The following STX2 variants were observed in gnomAD, a reference collection of about 807,000 sequenced individuals.
STX2 encodes syntaxin-2.
Under a neutral mutation model 40.6 loss-of-function variants are expected in STX2, and 27 were observed. That is an observed-to-expected ratio of 0.66 (90% CI 0.49 to 0.92). The LOEUF (loss-of-function observed/expected upper bound fraction) is 0.92. STX2 is among the 40% of genes least tolerant of loss of function. The probability of loss-of-function intolerance (pLI) is 0.00; values close to 1 mark genes in which losing one functional copy is unlikely to be tolerated. For missense variants in STX2, 328 were observed against 366.1 expected, an observed-to-expected ratio of 0.90 and a Z score of 0.85; for synonymous variants, 123 against 119.1, an observed-to-expected ratio of 1.03 and a Z score of -0.22.
chr12:130,816,060 G>A (rs1376123579), intron 3 of STX2, among the ~76,000 whole-genome samples: 4 of 152,150 alleles, frequency 2.6e-5, no homozygotes, highest in Non-Finnish European at 2.9e-5. Context: ...CCTGTGGTGC[G>A]TGAGGCTGAT....
intron 6 of STX2, 88 bp downstream of exon 6, chr12:130,806,894 T>C: frequency 8.0e-7 from 1 of 1,243,266 alleles, no homozygotes; most frequent in Non-Finnish European, 1.2e-6. Flanking sequence ...TAGACATGGA[T>C]TTCCTTTTCT....
rs767436275 is a variant in STX2 at position 130,821,697 on chromosome 12, G to C, written c.197C>G (p.Pro66Arg). 1 of 1,613,450 alleles carries C rather than the reference G, an allele frequency of 6.2e-7. No individual in the cohort carries two copies. Among genetic ancestry groups the C allele is most frequent in the South Asian group, 1.1e-5 (1 of 91,054 alleles). ...NHSIILSAPN[P>R]EGKIKEELED... ...GAAAACCAACAACTTACTTCCTTCC[G>C]GGTTTGGTGCAGAAAGAATGATGCT... Residue 66 changes from proline to arginine, a missense_variant, in exon 3 of 11, where the codon CCG (proline) becomes CGG (arginine). Coordinates refer to ENST00000392373, the MANE Select transcript of STX2 (RefSeq NM_194356.4).
intron 3 of STX2, among the ~76,000 whole-genome samples, chr12:130,821,280 A>G (rs1000797803): frequency 6.6e-6 from 1 of 152,236 alleles, no homozygotes; most frequent in East Asian, 1.9e-4. Context: ...CAAGACTTTC[A>G]GAGTCGCCTC....
At position 130,834,356 on chromosome 12, in the gene STX2, CAAAAAAAAAAAAA is replaced by C. The variant is rs11355842; in HGVS notation, c.30+4701_30+4713del. 1.9e-4 allele frequency among the ~76,000 whole-genome samples: 18 copies of C among 92,788 alleles called. No individual in the cohort carries two copies. The East Asian group carries it at 5.6e-3, about 29-fold the overall frequency. The allele number at this position is 92,788 out of a possible 152,430, so 60.9% of individuals were successfully genotyped here. A position where few individuals can be genotyped will look rare whatever the true frequency, so the allele number is the denominator to read the frequency against. ...TGGGCAAGAAAGCGACACTCTGTCTCAAAAAAAAAAAAAAAAAAAAAGGTACAAGGCAAGAGAG... is the reference window on the plus strand; with the variant it reads ...TGGGCAAGAAAGCGACACTCTGTCTCAAAAAAAAGGTACAAGGCAAGAGAG... On this transcript the variant is annotated intron_variant, in intron 1 of 10. Transcript: ENST00000392373.
intron 6 of STX2, among the ~76,000 whole-genome samples, chr12:130,804,576 C>T (rs1165121860): frequency 6.6e-6 from 1 of 151,762 alleles, no homozygotes; most frequent in East Asian, 1.9e-4. Context: ...GGGCAGGCGG[C>T]TGTGGGGTCC....
At chr12:130,831,022 T>C (rs1056804759) in intron 1 of STX2, among the ~76,000 whole-genome samples, 2 of 152,250 alleles carry the variant, frequency 1.3e-5, no homozygotes, top group Non-Finnish European at 2.9e-5. Context: ...CAACTCTCCC[T>C]GTGTGAATAC....
chr12:130,802,802 C>T (rs1355512098), intron 6 of STX2, among the ~76,000 whole-genome samples: 1 of 152,168 alleles, frequency 6.6e-6, no homozygotes, highest in African/African-American at 2.4e-5. Flanking sequence ...CACACCCTGC[C>T]CACCCCATGG....
chr12:130,813,954 A>G (rs745348463), intron 3 of STX2, among the ~76,000 whole-genome samples: 23 of 152,212 alleles, frequency 1.5e-4, no homozygotes, highest in Admixed American at 6.5e-4. Context: ...TTTCTGCCGT[A>G]GACAACTTGG....
chr12:130,794,091 G>A (rs894959189), intron 10 of STX2, among the ~76,000 whole-genome samples: 1 of 152,126 alleles, frequency 6.6e-6, no homozygotes, highest in African/African-American at 2.4e-5. Context: ...CACTGTGTCC[G>A]CGCTACAAAT....
chr12:130,795,972 A>G lies in STX2; in HGVS notation c.*45+23T>C. The G allele has an allele frequency of 6.3e-6, 10 of 1,588,922 alleles. No homozygotes were observed. The South Asian group carries it at 1.0e-4, about 17-fold the overall frequency. Reference sequence around the variant, plus strand: ...TGGTTAATTGCAAAAGTTAATAAGTAAATTAGTTGATGAGTTACTTACTCC... The same window carrying G: ...TGGTTAATTGCAAAAGTTAATAAGTGAATTAGTTGATGAGTTACTTACTCC... On this transcript the variant is annotated intron_variant, in intron 10 of 10. Coordinates refer to ENST00000392373, the MANE Select transcript of STX2 (RefSeq NM_194356.4).
At chr12:130,827,386 GTAACAGAC>G in intron 1 of STX2, 119 bp from the exon 2 acceptor site, 1 of 704,674 alleles carries the variant, frequency 1.4e-6, no homozygotes, top group Non-Finnish European at 2.5e-6. Flanking sequence ...GCACCAAATT[GTAACAGAC>G]TAGCAGCCAC....
chr12:130,818,062 G>C (rs73473046), intron 3 of STX2, among the ~76,000 whole-genome samples: 6,761 of 150,176 alleles, frequency 0.045, 493 homozygotes, highest in African/African-American at 0.15. Context: ...TCCTTACGGG[G>C]AGTACGCGCG....
chr12:130,839,158 G>A lies in STX2; in HGVS notation c.-59C>T, dbSNP rs1269699068. 6.9e-6 allele frequency: 8 copies of A among 1,159,170 alleles called. No individual in the cohort carries two copies. In the South Asian group the frequency reaches 2.9e-4, roughly 42 times the overall value. 71.8% of individuals were successfully genotyped at this position (1,159,170 alleles called of 1,614,324 possible). A position where few individuals can be genotyped will look rare whatever the true frequency, so the allele number is the denominator to read the frequency against. On this transcript the variant is annotated 5_prime_UTR_variant, in exon 1 of 11. Coordinates refer to ENST00000392373, the MANE Select transcript of STX2 (RefSeq NM_194356.4). ...AGCCTGTCCCGAGCTGCCTCCGGCC[G>A]GGCCTCGGGCTCTCCGGTCTCCGCC...
At position 130,796,016 on chromosome 12, in the gene STX2, T is replaced by C. The variant is rs1299903708; in HGVS notation, c.*24A>G. ...TTACTCCCACCCTGGCAGAGAGGCATGCACACTGACGTTATCCACACCATC... is the reference window on the plus strand; with the variant it reads ...TTACTCCCACCCTGGCAGAGAGGCACGCACACTGACGTTATCCACACCATC... On this transcript the variant is annotated 3_prime_UTR_variant, in exon 10 of 11. Coordinates refer to ENST00000392373, the MANE Select transcript of STX2 (RefSeq NM_194356.4). The C allele has an allele frequency of 1.9e-6, 3 of 1,613,376 alleles. No homozygotes were observed. Among genetic ancestry groups the C allele is most frequent in the South Asian group, 1.1e-5 (1 of 90,822 alleles).
At chr12:130,818,188 ATATATAT>A (rs1565924660) in intron 3 of STX2, among the ~76,000 whole-genome samples, 729 of 66,204 alleles carry the variant, frequency 0.011, 14 homozygotes, top group Middle Eastern at 0.019. Flanking sequence ...AAAAAAAAAT[ATATATAT>A]ATATATATAT....
Position 130,795,397 on chromosome 12 carries a change from T to C in STX2, c.*45+598A>G, listed in dbSNP as rs940791977. On this transcript the variant is annotated intron_variant, in intron 10 of 10. Coordinates refer to ENST00000392373, the MANE Select transcript of STX2 (RefSeq NM_194356.4). The stretch of plus-strand genomic sequence containing the variant: ...AGAATTAATCTTCACTGAATTTCTA[T>C]GACATTTAATGAAGGATCCACTACA... Among the ~76,000 whole-genome samples the C allele has an allele frequency of 2.6e-5, 4 of 152,200 alleles. No homozygotes were observed. In the East Asian group the frequency reaches 5.8e-4, roughly 22 times the overall value.
chr12:130,821,851 C>T, intron 2 of STX2, 63 bp from the exon 3 acceptor site: 1 of 999,826 alleles, frequency 1.0e-6, no homozygotes. Context: ...TTTTCATCCC[C>T]TAAAAGGGGA....
chr12:130,790,154 T>A lies in STX2; in HGVS notation c.*1869A>T, dbSNP rs956386813. 2 of 152,196 alleles carry A rather than the reference T, an allele frequency of 1.3e-5. No homozygotes were observed. The highest frequency in any genetic ancestry group is 1.5e-5 in the Non-Finnish European group (1 of 68,050). The allele number at this position is 152,196 out of a possible 1,614,324, so 9.4% of individuals were successfully genotyped here. On this transcript the variant is annotated 3_prime_UTR_variant, in exon 11 of 11. Coordinates refer to ENST00000392373, the MANE Select transcript of STX2 (RefSeq NM_194356.4). ...TGAGCACATCCCACGACAGGGTGTTTAAAGACCAAAAGAAAAAGAACAGTC... is the reference window on the plus strand; with the variant it reads ...TGAGCACATCCCACGACAGGGTGTTAAAAGACCAAAAGAAAAAGAACAGTC...
chr12:130,808,363 C>A (rs1160634133), intron 5 of STX2, among the ~76,000 whole-genome samples: 2 of 152,110 alleles, frequency 1.3e-5, no homozygotes, highest in Admixed American at 1.3e-4. Context: ...CCTTTAAATA[C>A]TGAAGTCCTC....
Sources: gnomAD v4.1 joint callset for allele counts (sites outside exome capture counted in the v4.1 genomes callset) on GRCh38, gnomAD v4.1.1 for gene constraint, MANE v1.5 for transcripts, NCBI Gene and HGNC (gene_info 2026-07-23, HGNC 2026-07-21) for gene names.